BCKDHB: variants seen among roughly 807,000 people sequenced by gnomAD.
BCKDHB encodes the protein 2-oxoisovalerate dehydrogenase subunit beta, mitochondrial.
Under a neutral mutation model 48.5 loss-of-function variants are expected in BCKDHB, and 41 were observed. The observed-to-expected ratio is 0.85, with a 90% confidence interval of 0.66 to 1.10. BCKDHB has a LOEUF of 1.10. BCKDHB is among the 50% of genes least tolerant of loss of function. The pLI is 0.00. For missense variants in BCKDHB, 496 were observed against 494.2 expected (o/e 1.00, Z -0.03); for synonymous variants, 201 against 174.8 (o/e 1.15, Z -1.18).
At chr6:80,191,988 T>C (rs908809669) in intron 6 of BCKDHB, among the ~76,000 whole-genome samples, 13 of 152,184 alleles carry the variant, frequency 8.5e-5, no homozygotes, top group African/African-American at 2.2e-4. Flanking sequence ...GACACTGATA[T>C]ATGTCAAAGA....
intron 9 of BCKDHB, among the ~76,000 whole-genome samples, chr6:80,308,668 C>T (rs1178522377): frequency 4.0e-5 from 6 of 151,082 alleles, no homozygotes; most frequent in Non-Finnish European, 4.4e-5. Context: ...GATCCCGGCT[C>T]ACTGCAAGCT....
chr6:80,454,462 A>T, the BCKDHB span, among the ~76,000 whole-genome samples: 4 of 151,878 alleles, frequency 2.6e-5, no homozygotes, highest in Non-Finnish European at 5.9e-5. Context: ...GCTGCTGCTC[A>T]TATGCATGAC....
intron 8 of BCKDHB, among the ~76,000 whole-genome samples, chr6:80,265,481 A>G (rs1468050553): frequency 1.3e-5 from 2 of 152,138 alleles, no homozygotes; most frequent in Non-Finnish European, 2.9e-5. Flanking sequence ...ACCCATTTAT[A>G]TAAGGTTCCT....
At chr6:80,242,636 G>A (rs540785232) in intron 8 of BCKDHB, among the ~76,000 whole-genome samples, 20 of 152,250 alleles carry the variant, frequency 1.3e-4, no homozygotes, top group Middle Eastern at 3.4e-3. Context: ...TTTGAGGAAT[G>A]TGACATCATG....
At chr6:80,375,084 C>G in the BCKDHB span, among the ~76,000 whole-genome samples, 4 of 152,032 alleles carry the variant, frequency 2.6e-5, no homozygotes, top group Non-Finnish European at 5.9e-5. Flanking sequence ...TTCTTAAAGT[C>G]CTTTCCTTCA....
intron 9 of BCKDHB, among the ~76,000 whole-genome samples, chr6:80,319,530 TCTTA>T (rs1175941467): frequency 6.6e-5 from 10 of 152,232 alleles, no homozygotes; most frequent in Admixed American, 5.2e-4. Flanking sequence ...AGCTTCTCCC[TCTTA>T]CTTACGGTTT....
At chr6:80,183,105 G>T (rs575730269) in intron 6 of BCKDHB, among the ~76,000 whole-genome samples, 1 of 152,192 alleles carries the variant, frequency 6.6e-6, no homozygotes, top group South Asian at 2.1e-4. Flanking sequence ...AATTACGCTT[G>T]TGTTCTTTAT....
chr6:80,390,246 G>T, the BCKDHB span, among the ~76,000 whole-genome samples: 1 of 152,136 alleles, frequency 6.6e-6, no homozygotes, highest in Non-Finnish European at 1.5e-5. Context: ...AGGTCAATGG[G>T]AAGCTACAAC....
At position 80,273,154 on chromosome 6, in the gene BCKDHB, G is replaced by T. The variant is rs779150907; in HGVS notation, c.971G>T (p.Arg324Leu). 2 of 1,613,166 alleles carry T rather than the reference G, an allele frequency of 1.2e-6. No individual in the cohort carries two copies. The highest frequency in any genetic ancestry group is 1.7e-5 in the Admixed American group (1 of 59,908). Residue 324 changes from arginine (R) to leucine (L), a missense_variant, in exon 9 of 10, where the codon CGA becomes CTA. By Grantham distance (102) the Arg-to-Leu change is moderately radical (BLOSUM62 -2). Coordinates refer to ENST00000320393, the MANE Select transcript of BCKDHB (RefSeq NM_183050.4). ...TICKSVIKTG[R>L]LLISHEAPLT... is the part of the protein sequence containing the mutation. ...TTTCAGTCTGTGATCAAAACAGGGCGACTGCTAATCAGTCACGAGGCTCCC... is the reference window on the plus strand; with the variant it reads ...TTTCAGTCTGTGATCAAAACAGGGCTACTGCTAATCAGTCACGAGGCTCCC...
At chr6:80,406,242 T>C in the BCKDHB span, among the ~76,000 whole-genome samples, 1 of 152,236 alleles carries the variant, frequency 6.6e-6, no homozygotes, top group South Asian at 2.1e-4. Context: ...ACATTTGGGT[T>C]TGTTCCAAGT....
At chr6:80,133,319 A>G (rs1366529462) in intron 3 of BCKDHB, among the ~76,000 whole-genome samples, 3 of 152,256 alleles carry the variant, frequency 2.0e-5, no homozygotes, top group Non-Finnish European at 1.5e-5. Context: ...AGGCAATGCT[A>G]TAAGAAAAGG....
the BCKDHB span, among the ~76,000 whole-genome samples, chr6:80,461,818 A>T: frequency 6.6e-6 from 1 of 152,194 alleles, no homozygotes; most frequent in Non-Finnish European, 1.5e-5. Flanking sequence ...ATACACAAAC[A>T]GTTGTCCTTA....
At chr6:80,276,436 T>C (rs615585) in intron 9 of BCKDHB, among the ~76,000 whole-genome samples, 53,162 of 151,698 alleles carry the variant, frequency 0.35, 9,490 homozygotes, top group African/African-American at 0.37. Flanking sequence ...AAGTTTATAA[T>C]TGGTATTTTT....
intron 8 of BCKDHB, among the ~76,000 whole-genome samples, chr6:80,243,345 A>C (rs1357123915): frequency 6.6e-6 from 1 of 152,166 alleles, no homozygotes; most frequent in Non-Finnish European, 1.5e-5. Context: ...AGGAGTGGGG[A>C]GCCCTATGGT....
At chr6:80,374,558 A>G in the BCKDHB span, 1 of 682,798 alleles carries the variant, frequency 1.5e-6, no homozygotes, top group African/African-American at 1.8e-5. Flanking sequence ...GGTCAAGTGT[A>G]TAGGGCACCA....
the BCKDHB span, among the ~76,000 whole-genome samples, chr6:80,459,166 A>G: frequency 6.6e-6 from 1 of 152,314 alleles, no homozygotes; most frequent in African/African-American, 2.4e-5. Flanking sequence ...TATTTCAAAG[A>G]GATATTAGCA....
At chr6:80,430,112 T>A in the BCKDHB span, among the ~76,000 whole-genome samples, 1,435 of 152,250 alleles carry the variant, frequency 9.4e-3, 11 homozygotes, top group Non-Finnish European at 0.013. Context: ...TTCTGCATCT[T>A]TTGAGATAAT....
At chr6:80,185,466 A>G (rs1225496233) in intron 6 of BCKDHB, among the ~76,000 whole-genome samples, 1 of 151,842 alleles carries the variant, frequency 6.6e-6, no homozygotes, top group African/African-American at 2.4e-5. Context: ...TTGGAGAGCG[A>G]GTGTGATCTT....
the BCKDHB span, among the ~76,000 whole-genome samples, chr6:80,451,155 T>G: frequency 6.6e-6 from 1 of 152,206 alleles, no homozygotes; most frequent in Admixed American, 6.5e-5. Flanking sequence ...GGTTTCCTCA[T>G]TTCTACCAAG....
Sources: allele counts gnomAD v4.1 joint callset (sites outside exome capture counted in the v4.1 genomes callset), GRCh38; gene constraint gnomAD v4.1.1; transcripts MANE v1.5; gene names NCBI Gene and HGNC (gene_info 2026-07-23, HGNC 2026-07-21).